The following SPO11 variants were observed in gnomAD, a reference collection of about 807,000 sequenced individuals.
SPO11 encodes SPO11 initiator of meiotic double strand breaks, also known as meiotic recombination protein SPO11.
Under a neutral mutation model 51.6 loss-of-function variants are expected in SPO11, and 49 were observed. The observed-to-expected ratio is 0.95, with a 90% CI of 0.75 to 1.20. SPO11 has a LOEUF of 1.20. Among genes scored for constraint, SPO11 ranks in the 50% most tolerant of loss-of-function variants. SPO11 has a pLI of 0.00. For missense variants in SPO11, 431 were observed against 473.4 expected (o/e 0.91, Z 0.83); for synonymous variants, 176 against 158.2 (o/e 1.11, Z -0.84).
Position 57,338,314 on chromosome 20 carries a change from C to G in SPO11, c.783C>G (p.Val261=). 1 of 1,613,734 alleles carries G rather than the reference C, an allele frequency of 6.2e-7. No individual in the cohort carries two copies. Among genetic ancestry groups the G allele is most frequent in the African/African-American group, 1.3e-5 (1 of 74,994 alleles). The change falls in exon 9 of 13, where the codon GTC becomes GTG. Residue 261 remains valine (V), a synonymous_variant. Transcript: ENST00000371263. ...CTGATCTAAACACAAGACTTTTAGT[C>G]AAGAAACTGTGGGATACATTTCATG... is the stretch of plus-strand genomic sequence containing the variant. ...GVPDLNTRLL[V]KKLWDTFHVP...
intron 9 of SPO11, 26 bp downstream of exon 9, chr20:57,338,401 A>G: frequency 7.0e-7 from 1 of 1,426,418 alleles, no homozygotes; most frequent in Non-Finnish European, 9.8e-7. Context: ...ACTATTTACA[A>G]CAATAGTCAT....
At chr20:57,343,314 A>G (rs760507790) in intron 12 of SPO11, 27 bp from the exon 13 acceptor site, 1 of 1,600,940 alleles carries the variant, frequency 6.2e-7, no homozygotes. Flanking sequence ...GAACTCTGGT[A>G]TGAGTACATT....
intron 7 of SPO11, 149 bp from the exon 8 acceptor site, chr20:57,335,649 T>C: frequency 1.5e-6 from 1 of 680,420 alleles, no homozygotes. Flanking sequence ...GATATCTGAA[T>C]ATATGAATAG....
At position 57,331,865 on chromosome 20, in the gene SPO11, T is replaced by C. The variant is rs2066454063; in HGVS notation, c.164T>C (p.Ile55Thr). ...GTTCTTGCATCTATAGAAAATATTA[T>C]CCAAGACATAATCACAAGCTTGGCA... Reference protein sequence around the residue: ...SEVLASIENIIQDIITSLARN... With the variant: ...SEVLASIENITQDIITSLARN... Residue 55 changes from isoleucine to threonine, a missense_variant, in exon 2 of 13, where the codon ATC becomes ACC. Physicochemically the swap from Ile to Thr is moderately conservative, Grantham distance 89. Transcript: ENST00000371263. 4 of 1,605,908 alleles carry C rather than the reference T, an allele frequency of 2.5e-6. No homozygotes were observed. The highest frequency in any genetic ancestry group is 3.4e-6 in the Non-Finnish European group (4 of 1,176,048).
In SPO11 at chr20:57,338,308, T is replaced by G. The variant is rs2066537747; in HGVS notation, c.777T>G (p.Leu259=). The G allele has an allele frequency of 6.2e-7, 1 of 1,613,812 alleles. No individual in the cohort carries two copies. The highest frequency in any genetic ancestry group is 1.3e-5 in the African/African-American group (1 of 75,026). ...GKGVPDLNTR[L]LVKKLWDTFH... ...GAGTTCCTGATCTAAACACAAGACTTTTAGTCAAGAAACTGTGGGATACAT... is the reference window on the plus strand; with the variant it reads ...GAGTTCCTGATCTAAACACAAGACTGTTAGTCAAGAAACTGTGGGATACAT... The change falls in exon 9 of 13, where the codon CTT becomes CTG. Residue 259 remains leucine, a synonymous_variant. Transcript: ENST00000371263.
chr20:57,331,264 G>A (rs1406576133), intron 1 of SPO11, among the ~76,000 whole-genome samples: 1 of 152,214 alleles, frequency 6.6e-6, no homozygotes, highest in African/African-American at 2.4e-5. Context: ...ATTCTTTCCA[G>A]GGTAGTGATT....
At chr20:57,339,050 C>CT (rs1276793935) in intron 10 of SPO11, 24 bp downstream of exon 10, 1 of 1,399,366 alleles carries the variant, frequency 7.1e-7, no homozygotes, top group Non-Finnish European at 9.7e-7. Flanking sequence ...AGCAGTTTTC[C>CT]TTTTTTATTA....
At chr20:57,332,122 A>C (rs139944699) in intron 2 of SPO11, among the ~76,000 whole-genome samples, 176 bp downstream of exon 2, 2 of 152,218 alleles carry the variant, frequency 1.3e-5, no homozygotes, top group Non-Finnish European at 2.9e-5. Flanking sequence ...AACTAGAAGT[A>C]GGTGTGAAAG....
rs556754656 is a variant in SPO11 at position 57,343,417 on chromosome 20, G to A, written c.1148G>A (p.Arg383Lys). ...TTCCTATCATCAGATTATCTTTCCAGAGTGTACTTACCTAACAAATTAAAA... is the reference window on the plus strand; with the variant it reads ...TTCCTATCATCAGATTATCTTTCCAAAGTGTACTTACCTAACAAATTAAAA... ...LTFLSSDYLS[R>K]VYLPNKLKFG... Residue 383 changes from arginine to lysine, a missense_variant, in exon 13 of 13, where the codon AGA (arginine) becomes AAA (lysine). Transcript: ENST00000371263. 2.5e-6 allele frequency: 4 copies of A among 1,611,142 alleles called. No individual in the cohort carries two copies. The East Asian group carries it at 9.0e-5, about 36-fold the overall frequency.
chr20:57,333,346 G>A, intron 3 of SPO11, 70 bp downstream of exon 3: 2 of 1,107,662 alleles, frequency 1.8e-6, no homozygotes, highest in East Asian at 5.0e-5. Flanking sequence ...AATTTTATTT[G>A]TTGCTAGTTA....
Position 57,329,889 on chromosome 20 carries a change from C to T in SPO11, c.22C>T (p.Pro8Ser). The change falls in exon 1 of 13, where the codon CCC becomes TCC. Residue 8 changes from proline (P) to serine (S), a missense_variant. Transcript: ENST00000371263. ...CCTCATGGCCTTTGCACCTATGGGG[C>T]CCGAGGCCTCGTTCTTCGACGTTTT... MAFAPMGPEASFFDVLDR... is the reference protein window; with the variant it reads MAFAPMGSEASFFDVLDR... The T allele has an allele frequency of 6.2e-7, 1 of 1,613,740 alleles. No individual in the cohort carries two copies. The highest frequency in any genetic ancestry group is 8.5e-7 in the Non-Finnish European group (1 of 1,179,828).
Position 57,343,675 on chromosome 20 carries a change from T to C in SPO11, c.*215T>C. ...TCTTGCCTCTATAGAGACAGATTTC[T>C]GTCCTATCTTCTAAAGCAAATTATA... On this transcript the variant is annotated 3_prime_UTR_variant, in exon 13 of 13. Coordinates refer to ENST00000371263, the MANE Select transcript of SPO11 (RefSeq NM_012444.3). 8.4e-6 allele frequency: 3 copies of C among 357,324 alleles called. No individual in the cohort carries two copies. The highest frequency in any genetic ancestry group is 1.5e-5 in the Non-Finnish European group (3 of 203,440). 22.1% of individuals were successfully genotyped at this position (357,324 alleles called of 1,614,324 possible).
intron 6 of SPO11, among the ~76,000 whole-genome samples, chr20:57,335,107 CAT>C (rs1404416423): frequency 6.6e-6 from 1 of 152,118 alleles, no homozygotes; most frequent in Admixed American, 6.5e-5. Context: ...GTCATTTTAG[CAT>C]GTTATTTAGT....
intron 1 of SPO11, 117 bp downstream of exon 1, chr20:57,330,115 G>C (rs905820391): frequency 7.3e-7 from 1 of 1,368,316 alleles, no homozygotes; most frequent in Non-Finnish European, 9.6e-7. Flanking sequence ...TGGCGGGCCA[G>C]CCAGGAACCC....
chr20:57,330,062 GC>G, intron 1 of SPO11, 64 bp downstream of exon 1: 2 of 1,491,518 alleles, frequency 1.3e-6, no homozygotes, highest in Non-Finnish European at 1.8e-6. Context: ...GCTCTTCCTG[GC>G]CCCGGGCTGC....
chr20:57,340,417 GTTTTAC>G (rs1393051025), intron 11 of SPO11, among the ~76,000 whole-genome samples: 3 of 152,138 alleles, frequency 2.0e-5, no homozygotes, highest in Non-Finnish European at 4.4e-5. Flanking sequence ...AAAACTTTCT[GTTTTAC>G]TTTTATGGTT....
chr20:57,336,304 T>G (rs1481917681), intron 8 of SPO11, among the ~76,000 whole-genome samples: 1 of 152,170 alleles, frequency 6.6e-6, no homozygotes, highest in Non-Finnish European at 1.5e-5. Context: ...TCAGTTTGAC[T>G]TACTCCTCAC....
chr20:57,338,650 G>A (rs1055557563), intron 9 of SPO11, among the ~76,000 whole-genome samples: 1 of 151,888 alleles, frequency 6.6e-6, no homozygotes, highest in Non-Finnish European at 1.5e-5. Flanking sequence ...TTACCATGTT[G>A]GCCAGGCTGG....
chr20:57,335,819 T>G lies in SPO11; in HGVS notation c.656T>G (p.Phe219Cys). The change falls in exon 8 of 13, where the codon TTT (phenylalanine) becomes TGT (cysteine). Residue 219 changes from phenylalanine (F) to cysteine (C), a missense_variant. Coordinates refer to ENST00000371263, the MANE Select transcript of SPO11 (RefSeq NM_012444.3). ...ACAGATTTAGTTACAGATGCAAAGT[T>G]TGTATTAATTGTAGAAAAAGATGCA... ...GIRNLVTDAKFVLIVEKDATF... is the reference protein window; with the variant it reads ...GIRNLVTDAKCVLIVEKDATF... 1 of 1,610,732 alleles carries G rather than the reference T, an allele frequency of 6.2e-7. No individual in the cohort carries two copies. The highest frequency in any genetic ancestry group is 2.2e-5 in the East Asian group (1 of 44,844).
Sources: allele counts gnomAD v4.1 joint callset (sites outside exome capture counted in the v4.1 genomes callset), GRCh38; gene constraint gnomAD v4.1.1; transcripts MANE v1.5; gene names NCBI Gene and HGNC (gene_info 2026-07-23, HGNC 2026-07-21).